The following ZNF521 variants were observed in gnomAD, a reference collection of about 807,000 sequenced individuals.
The protein encoded by ZNF521 is LYST-interacting protein 3.
ZNF521 carries 14 observed loss-of-function variants against 105.5 expected under a neutral mutation model. That is an observed-to-expected ratio of 0.13 (90% CI 0.09 to 0.21). The LOEUF is 0.21. ZNF521 is among the 10% of genes least tolerant of loss of function. ZNF521 has a pLI of 1.00. For synonymous variants in ZNF521, 635 were observed against 606.0 expected (o/e 1.05, Z -0.70); for missense variants, 1,233 against 1,629.7 (o/e 0.76, Z 4.19).
chr18:25,300,017 G>A (rs918141345), intron 3 of ZNF521, among the ~76,000 whole-genome samples: 2 of 152,160 alleles, frequency 1.3e-5, no homozygotes, highest in Admixed American at 6.5e-5. Context: ...AACCAACAGA[G>A]AACACAGAAG....
intron 5 of ZNF521, among the ~76,000 whole-genome samples, chr18:25,166,966 T>C (rs2144543926): frequency 6.6e-6 from 1 of 152,118 alleles, no homozygotes. Context: ...TTTTTTTCAT[T>C]AACTAATAAT....
chr18:25,254,665 C>T (rs184573678), intron 3 of ZNF521, among the ~76,000 whole-genome samples: 1 of 152,130 alleles, frequency 6.6e-6, no homozygotes, highest in East Asian at 1.9e-4. Context: ...AAGAAGGAAG[C>T]AAGGTAAGAA....
At chr18:25,182,782 A>G (rs1041886143) in intron 5 of ZNF521, among the ~76,000 whole-genome samples, 12 of 152,206 alleles carry the variant, frequency 7.9e-5, no homozygotes, top group Non-Finnish European at 1.8e-4. Context: ...TGAAAATTAG[A>G]GTCTAGCAAA....
chr18:25,101,290 A>AGGG (rs1175022489), intron 5 of ZNF521, among the ~76,000 whole-genome samples: 1 of 152,070 alleles, frequency 6.6e-6, no homozygotes, highest in East Asian at 1.9e-4. Context: ...ACCTGCATAT[A>AGGG]GGGGTTCCAC....
intron 3 of ZNF521, among the ~76,000 whole-genome samples, chr18:25,283,876 G>C (rs1910527707): frequency 6.6e-6 from 1 of 151,434 alleles, no homozygotes. Context: ...AATGTCTGGA[G>C]ACAGCTCTAT....
At chr18:25,316,186 C>T (rs748096966) in intron 3 of ZNF521, among the ~76,000 whole-genome samples, 51 of 151,210 alleles carry the variant, frequency 3.4e-4, no homozygotes, top group Non-Finnish European at 6.5e-4. Flanking sequence ...CAAGATAAGA[C>T]CATGGAACGG....
chr18:25,264,595 T>G (rs1225633909), intron 3 of ZNF521, among the ~76,000 whole-genome samples: 1 of 152,232 alleles, frequency 6.6e-6, no homozygotes, highest in African/African-American at 2.4e-5. Context: ...GATTCAAATT[T>G]TGAAGAATTA....
intron 3 of ZNF521, among the ~76,000 whole-genome samples, chr18:25,306,393 G>T (rs1217170297): frequency 6.6e-6 from 1 of 151,940 alleles, no homozygotes; most frequent in Non-Finnish European, 1.5e-5. Context: ...TTTCTTTTTT[G>T]GGGGGGAAAG....
intron 2 of ZNF521, among the ~76,000 whole-genome samples, chr18:25,334,367 G>T (rs543037047): frequency 3.5e-4 from 54 of 152,230 alleles, no homozygotes; most frequent in Non-Finnish European, 5.7e-4. Context: ...ACGAGTCTTG[G>T]CTTCTTCATT....
At chr18:25,328,269 G>A (rs992394229) in intron 2 of ZNF521, among the ~76,000 whole-genome samples, 1 of 152,102 alleles carries the variant, frequency 6.6e-6, no homozygotes, top group African/African-American at 2.4e-5. Flanking sequence ...GGTCCTTGAA[G>A]ACCAAAGAGA....
intron 3 of ZNF521, among the ~76,000 whole-genome samples, chr18:25,245,735 G>A (rs1172491927): frequency 6.6e-6 from 1 of 152,150 alleles, no homozygotes; most frequent in Admixed American, 6.5e-5. Context: ...GTGCTCTGCT[G>A]GGCGTGGTGG....
chr18:25,092,346 G>A (rs1188212967), intron 5 of ZNF521, among the ~76,000 whole-genome samples: 3 of 152,038 alleles, frequency 2.0e-5, no homozygotes, highest in Non-Finnish European at 4.4e-5. Context: ...AATATAATTG[G>A]TGTATCAATA....
intron 3 of ZNF521, among the ~76,000 whole-genome samples, chr18:25,268,643 G>T (rs139612173): frequency 4.1e-4 from 63 of 152,324 alleles, no homozygotes; most frequent in African/African-American, 1.4e-3. Flanking sequence ...TTAAAGAAAA[G>T]AACTTACAAT....
chr18:25,152,433 C>T (rs762246993), intron 5 of ZNF521, among the ~76,000 whole-genome samples: 13 of 149,770 alleles, frequency 8.7e-5, no homozygotes, highest in African/African-American at 1.2e-4. Flanking sequence ...AAGCTGAGAT[C>T]GTGCCACTGC....
chr18:25,336,102 G>A (rs555168854), intron 2 of ZNF521, among the ~76,000 whole-genome samples: 2 of 152,276 alleles, frequency 1.3e-5, no homozygotes, highest in South Asian at 2.1e-4. Flanking sequence ...TTAAAGCACC[G>A]GCTAGACACA....
intron 4 of ZNF521, among the ~76,000 whole-genome samples, chr18:25,208,168 TCA>T (rs1386384769): frequency 2.0e-5 from 3 of 152,184 alleles, no homozygotes; most frequent in African/African-American, 7.2e-5. Context: ...TGCCAGCTCT[TCA>T]CAGTCTTAAT....
chr18:25,111,807 T>G lies in ZNF521; in HGVS notation c.3659-19726A>C, dbSNP rs545620316. 2.0e-5 allele frequency among the ~76,000 whole-genome samples: 3 copies of G among 152,364 alleles called. No homozygotes were observed. In the South Asian group the frequency reaches 6.2e-4, roughly 32 times the overall value. ...CAGATGTCAGGCAAGCCTGACCCAGTATCTGGCTGATCAGATGCTGTTTAC... is the reference window on the plus strand; with the variant it reads ...CAGATGTCAGGCAAGCCTGACCCAGGATCTGGCTGATCAGATGCTGTTTAC... On this transcript the variant is annotated intron_variant, in intron 5 of 7. Transcript: ENST00000361524.
intron 2 of ZNF521, 113 bp downstream of exon 2, chr18:25,350,794 C>T: frequency 8.2e-7 from 1 of 1,216,170 alleles, no homozygotes; most frequent in Non-Finnish European, 1.1e-6. Flanking sequence ...CGCCCCCGCA[C>T]TCACACTCAC....
intron 5 of ZNF521, among the ~76,000 whole-genome samples, chr18:25,096,419 T>G (rs1156589550): frequency 6.6e-6 from 1 of 152,210 alleles, no homozygotes. Context: ...GAAATATTAG[T>G]TACCATTTGG....
Sources: gnomAD v4.1 joint callset for allele counts (sites outside exome capture counted in the v4.1 genomes callset) on GRCh38, gnomAD v4.1.1 for gene constraint, MANE v1.5 for transcripts, NCBI Gene and HGNC (gene_info 2026-07-23, HGNC 2026-07-21) for gene names.